The following NUP188 variants were observed in gnomAD, a reference collection of about 807,000 sequenced individuals.
The protein encoded by NUP188 is nucleoporin 188, also known as nucleoporin NUP188.
NUP188 carries 97 observed loss-of-function variants against 223.0 expected under a neutral mutation model. That is an observed-to-expected ratio of 0.43 (90% confidence interval 0.37 to 0.51). The LOEUF is 0.51. Ranked by LOEUF, NUP188 falls within the 20% of genes least tolerant of loss-of-function variation. The pLI is 0.00. For synonymous variants in NUP188, 869 were observed against 828.0 expected, an observed-to-expected ratio of 1.05 and a Z score of -0.85; for missense variants, 1,947 against 2,175.6, an observed-to-expected ratio of 0.89 and a Z score of 2.09.
At chr9:128,971,973 T>C (rs1049186907) in intron 11 of NUP188, among the ~76,000 whole-genome samples, 2 of 151,894 alleles carry the variant, frequency 1.3e-5, no homozygotes, top group African/African-American at 4.8e-5. Context: ...GGTTTCACCA[T>C]GTTGGCAAGG....
At chr9:128,957,925 G>A in intron 5 of NUP188, 85 bp from the exon 6 acceptor site, 1 of 976,976 alleles carries the variant, frequency 1.0e-6, no homozygotes, top group Non-Finnish European at 1.6e-6. Context: ...TAATCTTGAA[G>A]GATGAAGTGA....
chr9:128,983,568 G>T lies in NUP188; in HGVS notation c.1961+18G>T, dbSNP rs1026766660. Reference sequence around the variant, plus strand: ...ATGATTAGGTGAGCCAAGTCCTAGGGTGGTGGGCCATATTCCCTAGTGAGA... The same window carrying T: ...ATGATTAGGTGAGCCAAGTCCTAGGTTGGTGGGCCATATTCCCTAGTGAGA... On this transcript the variant is annotated intron_variant, in intron 19 of 43. Transcript: ENST00000372577. 1 of 1,589,422 alleles carries T rather than the reference G, an allele frequency of 6.3e-7. No individual in the cohort carries two copies. The highest frequency in any genetic ancestry group is 1.7e-5 in the Admixed American group (1 of 59,732).
In NUP188 at chr9:129,002,836, A is replaced by T; in HGVS notation, c.4157A>T (p.Lys1386Met). The change falls in exon 37 of 44, where the codon AAG becomes ATG. Residue 1386 changes from lysine to methionine, a missense_variant. Lys to Met is a moderately conservative substitution (Grantham distance 95). Around this residue, in one of 3 missense-constraint regions of NUP188, gnomAD observed 905 missense variants for 990.6 expected, o/e 0.91. Coordinates refer to ENST00000372577, the MANE Select transcript of NUP188 (RefSeq NM_015354.3). ...TCTTAGACACCTAGTGCCTCTCGGAAGTCCCTGGATGCCCCCTCTTGGCCA... is the reference window on the plus strand; with the variant it reads ...TCTTAGACACCTAGTGCCTCTCGGATGTCCCTGGATGCCCCCTCTTGGCCA... ...GTAQTPSASR[K>M]SLDAPSWPGV... 1 of 1,614,068 alleles carries T rather than the reference A, an allele frequency of 6.2e-7. No individual in the cohort carries two copies. Among genetic ancestry groups the T allele is most frequent in the South Asian group, 1.1e-5 (1 of 91,076 alleles).
At chr9:128,951,210 A>C (rs1362905836) in intron 2 of NUP188, among the ~76,000 whole-genome samples, 1 of 151,058 alleles carries the variant, frequency 6.6e-6, no homozygotes, top group Non-Finnish European at 1.5e-5. Context: ...CGGGAGGCTG[A>C]GGCAGGAGAT....
At chr9:128,986,485 G>T in intron 20 of NUP188, 73 bp from the exon 21 acceptor site, 1 of 1,511,186 alleles carries the variant, frequency 6.6e-7, no homozygotes, top group South Asian at 1.2e-5. Flanking sequence ...TATGGTTTTG[G>T]AATTAAATCT....
chr9:128,954,968 A>G lies in NUP188; in HGVS notation c.162-1382A>G, dbSNP rs985520258. Reference sequence around the variant, plus strand: ...TCCTGGGTTCAAGCAATTCTGTCTCAGCCTCCCGAGTAGCTGGGACTACAG... The same window carrying G: ...TCCTGGGTTCAAGCAATTCTGTCTCGGCCTCCCGAGTAGCTGGGACTACAG... On this transcript the variant is annotated intron_variant, in intron 3 of 43. Coordinates refer to ENST00000372577, the MANE Select transcript of NUP188 (RefSeq NM_015354.3). Among the ~76,000 whole-genome samples, 3 of 151,536 alleles carry G rather than the reference A, an allele frequency of 2.0e-5. No homozygotes were observed. In the East Asian group the frequency reaches 5.9e-4, roughly 30 times the overall value.
At chr9:128,980,833 T>C (rs1293246590) in intron 14 of NUP188, 108 bp downstream of exon 14, 1 of 1,199,166 alleles carries the variant, frequency 8.3e-7, no homozygotes, top group Non-Finnish European at 1.2e-6. Flanking sequence ...ATGACAAAAG[T>C]TTGTCTGAAG....
At chr9:129,001,247 T>C (rs1842658819) in intron 34 of NUP188, among the ~76,000 whole-genome samples, 1 of 148,782 alleles carries the variant, frequency 6.7e-6, no homozygotes, top group African/African-American at 2.5e-5. Context: ...GAGGTGGCTC[T>C]GACAAGGGTG....
chr9:128,982,516 C>G, intron 15 of NUP188, 33 bp from the exon 16 acceptor site: 1 of 1,571,706 alleles, frequency 6.4e-7, no homozygotes, highest in Non-Finnish European at 8.7e-7. Flanking sequence ...TATTTATCCT[C>G]AGATATTAGA....
intron 1 of NUP188, 144 bp downstream of exon 1, chr9:128,947,895 G>A: frequency 2.7e-6 from 2 of 731,696 alleles, no homozygotes; most frequent in South Asian, 4.4e-5. Flanking sequence ...GACGGGAGGC[G>A]GTTACGTCCA....
intron 8 of NUP188, among the ~76,000 whole-genome samples, chr9:128,959,390 C>T (rs1841914830): frequency 6.6e-6 from 1 of 151,872 alleles, no homozygotes; most frequent in Non-Finnish European, 1.5e-5. Context: ...GATCCGCCCA[C>T]CTCAGCCTCC....
chr9:128,973,702 T>C (rs1449865159), intron 12 of NUP188, among the ~76,000 whole-genome samples: 1 of 151,982 alleles, frequency 6.6e-6, no homozygotes, highest in Non-Finnish European at 1.5e-5. Context: ...TTTACTGTTA[T>C]ATAGGTGATA....
chr9:128,971,611 G>A (rs1842105598), intron 11 of NUP188, among the ~76,000 whole-genome samples: 2 of 151,940 alleles, frequency 1.3e-5, no homozygotes, highest in African/African-American at 4.8e-5. Flanking sequence ...GTAGAGACGG[G>A]GTTTTACCAT....
At chr9:128,962,574 T>TA (rs1398028989) in intron 8 of NUP188, among the ~76,000 whole-genome samples, 13 of 151,918 alleles carry the variant, frequency 8.6e-5, no homozygotes, top group Non-Finnish European at 1.5e-5. Context: ...TATAAAAACT[T>TA]ACACCGGGAT....
chr9:128,959,044 G>T lies in NUP188; in HGVS notation c.495G>T (p.Leu165Phe). 6.3e-7 allele frequency: 1 copy of T among 1,592,646 alleles called. No homozygotes were observed. The highest frequency in any genetic ancestry group is 1.7e-5 in the Admixed American group (1 of 58,994). The change falls in exon 8 of 44, where the codon TTG (leucine) becomes TTT (phenylalanine). Residue 165 changes from leucine to phenylalanine, a missense_variant. Leu to Phe is a conservative substitution (Grantham distance 22). Coordinates refer to ENST00000372577, the MANE Select transcript of NUP188 (RefSeq NM_015354.3). The stretch of plus-strand genomic sequence containing the variant: ...AATATGCAGACTGTGTTGATAAATT[G>T]GAGAAGGAACTAGTTTCAAAATACA... ...RVEYADCVDK[L>F]EKELVSKYRQ...
Position 128,993,625 on chromosome 9 carries a change from C to A in NUP188, c.2948C>A (p.Ala983Asp). The A allele has an allele frequency of 6.2e-7, 1 of 1,614,206 alleles. No individual in the cohort carries two copies. Among genetic ancestry groups the A allele is most frequent in the Non-Finnish European group, 8.5e-7 (1 of 1,180,038 alleles). ...RYWCPPLLHR[A>D]AIAFLHALWQ... The stretch of plus-strand genomic sequence containing the variant: ...TGGTGCCCACCCCTGCTGCATCGTG[C>A]CGCCATTGCCTTTTTGCATGCTCTG... Residue 983 changes from alanine (A) to aspartate (D), a missense_variant, in exon 27 of 44, where the codon GCC becomes GAC. By Grantham distance (126) the Ala-to-Asp change is moderately radical. Around this residue, in one of 3 missense-constraint regions of NUP188, gnomAD observed 905 missense variants for 990.6 expected, o/e 0.91. Coordinates refer to ENST00000372577, the MANE Select transcript of NUP188 (RefSeq NM_015354.3).
chr9:128,988,719 A>ATTTTTTTTTT (rs528821221), intron 24 of NUP188, among the ~76,000 whole-genome samples: 16 of 72,870 alleles, frequency 2.2e-4, no homozygotes, highest in South Asian at 7.0e-4. Context: ...TAATTTTTTA[A>ATTTTTTTTTT]TTTTTTTTTT....
At chr9:128,990,599 T>C (rs1235339125) in intron 25 of NUP188, among the ~76,000 whole-genome samples, 1 of 151,824 alleles carries the variant, frequency 6.6e-6, no homozygotes, top group Non-Finnish European at 1.5e-5. Flanking sequence ...GCATGGTGGC[T>C]CACGCCTGTA....
intron 41 of NUP188, 133 bp from the exon 42 acceptor site, chr9:129,005,917 C>T: frequency 2.1e-6 from 3 of 1,406,386 alleles, no homozygotes; most frequent in South Asian, 2.5e-5. Flanking sequence ...ATGACAGCAC[C>T]TCTGAGAATT....
Sources: gnomAD v4.1 joint callset for allele counts (sites outside exome capture counted in the v4.1 genomes callset) on GRCh38, gnomAD v4.1.1 for gene constraint, gnomAD v4.1.1 regional missense constraint, MANE v1.5 for transcripts, NCBI Gene and HGNC (gene_info 2026-07-23, HGNC 2026-07-21) for gene names.